Variants in VRK2 observed in about 807,000 individuals in gnomAD.
The protein encoded by VRK2 is serine/threonine-protein kinase VRK2.
VRK2 carries 60 observed loss-of-function variants against 57.6 expected under a neutral mutation model. That is an observed-to-expected ratio of 1.04 (90% CI 0.85 to 1.29). VRK2 has a LOEUF of 1.29. Among genes scored for constraint, VRK2 ranks in the 50% most tolerant of loss-of-function variants. VRK2 has a pLI of 0.00. For synonymous variants in VRK2, 231 were observed against 199.2 expected (o/e 1.16, Z -1.35); for missense variants, 705 against 588.1 (o/e 1.20, Z -2.06).
chr2:58,036,441 T>C (rs1674275945), intron 3 of VRK2, among the ~76,000 whole-genome samples: 1 of 152,028 alleles, frequency 6.6e-6, no homozygotes, highest in Non-Finnish European at 1.5e-5. Flanking sequence ...ATAACACAAA[T>C]GAATTTTTCT....
At chr2:57,962,361 CTT>C (rs140618869) in intron 1 of VRK2, among the ~76,000 whole-genome samples, 1 of 152,288 alleles carries the variant, frequency 6.6e-6, no homozygotes, top group East Asian at 1.9e-4. Context: ...ACCTTTTCTT[CTT>C]TTTCTGACCA....
intron 2 of VRK2, among the ~76,000 whole-genome samples, chr2:58,053,957 A>G (rs1676132915): frequency 6.6e-6 from 1 of 152,186 alleles, no homozygotes; most frequent in Non-Finnish European, 1.5e-5. Flanking sequence ...AATAGGTAAT[A>G]TAAACTCAAA....
intron 12 of VRK2, among the ~76,000 whole-genome samples, chr2:58,149,024 C>CA (rs536030096): frequency 2.0e-5 from 3 of 151,778 alleles, no homozygotes; most frequent in South Asian, 4.2e-4. Context: ...TAGTTTCCAC[C>CA]AAAAAATGCA....
intron 2 of VRK2, among the ~76,000 whole-genome samples, chr2:58,052,849 A>T (rs1357583442): frequency 6.6e-6 from 1 of 152,234 alleles, no homozygotes; most frequent in Non-Finnish European, 1.5e-5. Flanking sequence ...TCTGCCTCAG[A>T]TATTAAAGCT....
At chr2:58,137,098 CATAT>C (rs1227537068) in intron 10 of VRK2, among the ~76,000 whole-genome samples, 8 of 114,942 alleles carry the variant, frequency 7.0e-5, no homozygotes, top group South Asian at 2.6e-4. Flanking sequence ...GTGTATATAT[CATAT>C]ATATAACATA....
At chr2:58,029,592 T>G (rs1340643899) in intron 2 of VRK2, among the ~76,000 whole-genome samples, 2 of 152,156 alleles carry the variant, frequency 1.3e-5, no homozygotes, top group Non-Finnish European at 2.9e-5. Flanking sequence ...CTTCTTTTCT[T>G]AGCCACAATC....
chr2:58,091,351 A>G (rs974916203), intron 7 of VRK2, among the ~76,000 whole-genome samples: 1 of 152,174 alleles, frequency 6.6e-6, no homozygotes, highest in Non-Finnish European at 1.5e-5. Context: ...AGTTTTACCT[A>G]CATTGCTCTA....
At chr2:58,112,576 G>GAAA (rs35166006) in intron 7 of VRK2, among the ~76,000 whole-genome samples, 3,452 of 140,530 alleles carry the variant, frequency 0.025, 154 homozygotes, top group African/African-American at 0.084. Context: ...ATAGTAACAG[G>GAAA]AAAAAAAAAA....
intron 7 of VRK2, among the ~76,000 whole-genome samples, chr2:58,119,327 A>T (rs1393080355): frequency 2.0e-5 from 3 of 149,244 alleles, no homozygotes; most frequent in African/African-American, 7.5e-5. Context: ...GTGAAACCCC[A>T]TCTCTACTAA....
rs148001190 is a variant in VRK2 at position 57,984,744 on chromosome 2, T to C, written c.-438-40921T>C. On this transcript the variant is annotated intron_variant, in intron 1 of 15. Coordinates refer to the VRK2 transcript ENST00000417641. ...ATTAGATGAGGACAATAATGAGATATACATTTTGAAAAGAAGAAAAATAAA... is the reference window on the plus strand; with the variant it reads ...ATTAGATGAGGACAATAATGAGATACACATTTTGAAAAGAAGAAAAATAAA... Among the ~76,000 whole-genome samples, 153 of 152,180 alleles carry C rather than the reference T, an allele frequency of 1.0e-3. 2 individuals carry two copies. The highest frequency in any genetic ancestry group is 3.3e-3 in the African/African-American group (136 of 41,562).
Position 58,048,682 on chromosome 2 carries a change from T to A in VRK2, c.-5-145T>A, listed in dbSNP as rs1675248083. The A allele has an allele frequency of 5.3e-6, 8 of 1,501,428 alleles. No individual in the cohort carries two copies. In the South Asian group the frequency reaches 1.0e-4, roughly 19 times the overall value. The allele number at this position is 1,501,428 out of a possible 1,614,324, so 93.0% of individuals were successfully genotyped here. ...TCTAATTTGAATATAATGTGTGGGC[T>A]TTTCCAAACTGAATTAACTTTAGAA... is the stretch of plus-strand genomic sequence containing the variant. On this transcript the variant is annotated intron_variant, in intron 1 of 12. Transcript: ENST00000340157.
At chr2:58,044,715 G>A (rs954168717), upstream of VRK2, among the ~76,000 whole-genome samples, 14 of 152,176 alleles carry the variant, frequency 9.2e-5, no homozygotes, top group Non-Finnish European at 1.5e-5. Flanking sequence ...ACGGATACCA[G>A]GTTGGAGAGT....
At chr2:57,978,279 G>T (rs1049784950) in intron 1 of VRK2, among the ~76,000 whole-genome samples, 11 of 150,890 alleles carry the variant, frequency 7.3e-5, no homozygotes, top group Admixed American at 6.6e-5. Flanking sequence ...AAATAACCAG[G>T]TTACAGATGG....
rs117240090 is a variant in VRK2 at position 57,915,553 on chromosome 2, T to A, written c.-439+7714T>A. ...AAAAATGCAGCTGAAAGATTTCCAC[T>A]GTACCCAACTCCACTTCCCTACCAA... On this transcript the variant is annotated intron_variant, in intron 1 of 15. Transcript: ENST00000417641. Among the ~76,000 whole-genome samples the A allele has an allele frequency of 2.6e-5, 4 of 152,302 alleles. No individual in the cohort carries two copies. In the East Asian group the frequency reaches 7.7e-4, roughly 29 times the overall value.
At chr2:57,914,871 C>T (rs570672115) in intron 1 of VRK2, among the ~76,000 whole-genome samples, 1 of 152,160 alleles carries the variant, frequency 6.6e-6, no homozygotes, top group East Asian at 1.9e-4. Flanking sequence ...TTTAAAAAGT[C>T]TGGAGGGGAT....
chr2:58,153,385 C>A (rs755861276), intron 12 of VRK2, among the ~76,000 whole-genome samples: 3 of 151,926 alleles, frequency 2.0e-5, no homozygotes, highest in Non-Finnish European at 4.4e-5. Context: ...GAGGAAGCTC[C>A]CCTCCATTTC....
chr2:57,976,989 C>T (rs1672271067), intron 1 of VRK2, among the ~76,000 whole-genome samples: 1 of 151,618 alleles, frequency 6.6e-6, no homozygotes, highest in Non-Finnish European at 1.5e-5. Flanking sequence ...GAGTCCTTTC[C>T]CTATTGTCAA....
At chr2:58,090,294 G>A (rs1054283300) in intron 7 of VRK2, among the ~76,000 whole-genome samples, 9 of 151,760 alleles carry the variant, frequency 5.9e-5, no homozygotes, top group Non-Finnish European at 1.0e-4. Context: ...TACTCAGGAG[G>A]CTGAGGCAGG....
intron 2 of VRK2, among the ~76,000 whole-genome samples, chr2:58,051,970 T>G (rs1675811791): frequency 6.6e-6 from 1 of 152,194 alleles, no homozygotes; most frequent in South Asian, 2.1e-4. Flanking sequence ...TTGCTGTCAT[T>G]TTAGTATCAA....
Sources: gnomAD v4.1 joint callset for allele counts (sites outside exome capture counted in the v4.1 genomes callset) on GRCh38, gnomAD v4.1.1 for gene constraint, MANE v1.5 for transcripts, NCBI Gene and HGNC (gene_info 2026-07-23, HGNC 2026-07-21) for gene names.